FOXO3: variants seen among roughly 807,000 people sequenced by gnomAD.
The protein encoded by FOXO3 is forkhead box O3, also known as forkhead box protein O3.
A neutral mutation model predicts 41.9 loss-of-function variants in FOXO3; 4 were observed. That is an observed-to-expected ratio of 0.10 (90% CI 0.05 to 0.22). The LOEUF is 0.22. Among genes scored for constraint, FOXO3 ranks in the 10% least tolerant of loss-of-function variants. The pLI, the probability that FOXO3 is intolerant of heterozygous loss-of-function variation, is 1.00. For missense variants in FOXO3, 534 were observed against 906.8 expected, an observed-to-expected ratio of 0.59 and a Z score of 5.28; for synonymous variants, 318 against 389.3, an observed-to-expected ratio of 0.82 and a Z score of 2.16.
At chr6:108,643,181 G>A (rs907609701) in intron 1 of FOXO3, among the ~76,000 whole-genome samples, 2 of 152,194 alleles carry the variant, frequency 1.3e-5, no homozygotes, top group Non-Finnish European at 1.5e-5. Context: ...GTTCTACAGA[G>A]GGTGATTTCA....
At chr6:108,658,671 C>T (rs1277566528) in intron 1 of FOXO3, among the ~76,000 whole-genome samples, 4 of 151,868 alleles carry the variant, frequency 2.6e-5, no homozygotes, top group South Asian at 2.1e-4. Flanking sequence ...GATCTATCCC[C>T]GCTTGGCCTC....
intron 1 of FOXO3, 68 bp downstream of exon 1, chr6:108,561,897 G>A (rs1041726006): frequency 2.0e-6 from 3 of 1,478,940 alleles, no homozygotes; most frequent in African/African-American, 2.9e-5. Context: ...ACGCGTCTCG[G>A]ATTCGTCGGA....
intron 1 of FOXO3, among the ~76,000 whole-genome samples, chr6:108,585,738 C>T (rs1209143589): frequency 6.6e-6 from 1 of 152,142 alleles, no homozygotes; most frequent in African/African-American, 2.4e-5. Flanking sequence ...GAAAAGGTAT[C>T]GTTATTATTA....
chr6:108,648,132 C>G (rs72944305), intron 1 of FOXO3, among the ~76,000 whole-genome samples: 1 of 152,100 alleles, frequency 6.6e-6, no homozygotes, highest in Non-Finnish European at 1.5e-5. Context: ...ATAGACAAGT[C>G]GAAGAACTGA....
chr6:108,562,923 C>T (rs946538584), intron 1 of FOXO3, among the ~76,000 whole-genome samples: 2 of 152,158 alleles, frequency 1.3e-5, no homozygotes, highest in African/African-American at 4.8e-5. Context: ...GTGTCAGTAC[C>T]AGGCCAAAGA....
chr6:108,575,717 G>T (rs1003942818), intron 1 of FOXO3, among the ~76,000 whole-genome samples: 9 of 152,154 alleles, frequency 5.9e-5, no homozygotes, highest in Admixed American at 4.6e-4. Flanking sequence ...ACTTCAGTTG[G>T]TAGGATGAAA....
intron 1 of FOXO3, among the ~76,000 whole-genome samples, chr6:108,621,030 A>T (rs1050372400): frequency 7.2e-5 from 11 of 152,244 alleles, no homozygotes; most frequent in African/African-American, 2.7e-4. Context: ...GAGGATAATT[A>T]GTATTTTAAT....
chr6:108,621,541 G>GT (rs60622651), intron 1 of FOXO3, among the ~76,000 whole-genome samples: 89 of 151,344 alleles, frequency 5.9e-4, no homozygotes, highest in South Asian at 2.7e-3. Flanking sequence ...CCATGTTAGT[G>GT]TTTTTTTTTG....
intron 2 of FOXO3, among the ~76,000 whole-genome samples, chr6:108,668,691 C>G (rs1779127519): frequency 6.6e-6 from 1 of 152,166 alleles, no homozygotes; most frequent in Non-Finnish European, 1.5e-5. Context: ...GAAGCATCCA[C>G]CAGCAAAAGC....
intron 1 of FOXO3, among the ~76,000 whole-genome samples, chr6:108,603,070 A>G (rs1777098613): frequency 6.6e-6 from 1 of 151,788 alleles, no homozygotes; most frequent in Non-Finnish European, 1.5e-5. Context: ...TCAATGTAAG[A>G]CTTTTTTTCC....
chr6:108,654,587 G>A (rs1778634569), intron 1 of FOXO3, among the ~76,000 whole-genome samples: 1 of 151,962 alleles, frequency 6.6e-6, no homozygotes, highest in Admixed American at 6.6e-5. Context: ...CCTGTCGCTT[G>A]CTTGCTGCTT....
At position 108,587,550 on chromosome 6, in the gene FOXO3, C is replaced by T. The variant is rs76542686; in HGVS notation, c.621+25721C>T. ...GTGCACACACAAATACACACACACA[C>T]GCCCCACACACTTGTTCTACGGCTT... is the stretch of plus-strand genomic sequence containing the variant. On this transcript the variant is annotated intron_variant, in intron 1 of 2. Coordinates refer to ENST00000406360, the MANE Select transcript of FOXO3 (RefSeq NM_001455.4). 8.0e-3 allele frequency among the ~76,000 whole-genome samples: 1,221 copies of T among 152,294 alleles called. 8 individuals are homozygous for T. The highest frequency in any genetic ancestry group is 0.015 in the Non-Finnish European group (995 of 68,020).
chr6:108,562,326 G>C (rs910127761), intron 1 of FOXO3, among the ~76,000 whole-genome samples: 1 of 152,056 alleles, frequency 6.6e-6, no homozygotes, highest in Admixed American at 6.5e-5. Context: ...AGAACCTTCG[G>C]GTCCAAGTTT....
rs1770797894 is a variant in FOXO3 at position 108,680,406 on chromosome 6, A to G, written c.*614A>G. On this transcript the variant is annotated 3_prime_UTR_variant, in exon 3 of 3. Coordinates refer to ENST00000406360, the MANE Select transcript of FOXO3 (RefSeq NM_001455.4). The stretch of plus-strand genomic sequence containing the variant: ...GATTTTCTTTCTTCTTTTGTTTGGT[A>G]GAAAATTATCCTTTTCTAAAAACTG... The G allele has an allele frequency of 6.6e-6, 1 of 152,392 alleles. No individual in the cohort carries two copies. Among genetic ancestry groups the G allele is most frequent in the Non-Finnish European group, 1.5e-5 (1 of 68,034 alleles). The allele number at this position is 152,392 out of a possible 1,614,324, so 9.4% of individuals were successfully genotyped here.
At chr6:108,665,679 G>A (rs558911863) in intron 2 of FOXO3, among the ~76,000 whole-genome samples, 4 of 152,116 alleles carry the variant, frequency 2.6e-5, no homozygotes, top group African/African-American at 9.6e-5. Context: ...AAAATTAGCT[G>A]GGTGTGGTGA....
Position 108,666,326 on chromosome 6 carries a change from T to C in FOXO3, c.*34+1437T>C, listed in dbSNP as rs552685953. Among the ~76,000 whole-genome samples, 9 of 151,728 alleles carry C rather than the reference T, an allele frequency of 5.9e-5. No homozygotes were observed. In the East Asian group the frequency reaches 9.7e-4, roughly 16 times the overall value. On this transcript the variant is annotated intron_variant, in intron 2 of 2. Transcript: ENST00000406360. Reference sequence around the variant, plus strand: ...GTTACAGAGCTAGGTTGATTTCTTTTTTTTTCTTTTTCTTTTTCTTTTTTT... The same window carrying C: ...GTTACAGAGCTAGGTTGATTTCTTTCTTTTTCTTTTTCTTTTTCTTTTTTT...
At chr6:108,671,300 G>C (rs1383354965) in intron 2 of FOXO3, among the ~76,000 whole-genome samples, 1 of 152,212 alleles carries the variant, frequency 6.6e-6, no homozygotes, top group African/African-American at 2.4e-5. Context: ...TCTAGAGCTG[G>C]TGAGTTCATC....
At position 108,603,891 on chromosome 6, in the gene FOXO3, ATTTT is replaced by A. The variant is rs1001983549; in HGVS notation, c.621+42068_621+42071del. Among the ~76,000 whole-genome samples, 9 of 151,780 alleles carry A rather than the reference ATTTT, an allele frequency of 5.9e-5. No individual in the cohort carries two copies. In the South Asian group the frequency reaches 1.9e-3, roughly 32 times the overall value. On this transcript the variant is annotated intron_variant, in intron 1 of 2. Coordinates refer to ENST00000406360, the MANE Select transcript of FOXO3 (RefSeq NM_001455.4). ...ATTTCCCAGCATGGTACATTAGACA[ATTTT>A]TTTTTATTTAAAAAGAAGTATTTTT...
At chr6:108,678,869 CTTTTTTTTTTT>C (rs1156923290) in intron 2 of FOXO3, among the ~76,000 whole-genome samples, 1 of 55,018 alleles carries the variant, frequency 1.8e-5, no homozygotes, top group African/African-American at 4.6e-5. Flanking sequence ...TTCTTAAATT[CTTTTTTTTTTT>C]TTTTTTTTTT....
Sources: gnomAD v4.1 joint callset for allele counts (sites outside exome capture counted in the v4.1 genomes callset) on GRCh38, gnomAD v4.1.1 for gene constraint, MANE v1.5 for transcripts, NCBI Gene and HGNC (gene_info 2026-07-23, HGNC 2026-07-21) for gene names.